The following C2orf92 variants were observed in gnomAD, a reference collection of about 807,000 sequenced individuals.
C2orf92 encodes uncharacterized protein C2orf92.
At chr2:97,688,078 C>A (rs1282253670) in intron 3 of C2orf92, among the ~76,000 whole-genome samples, 1 of 152,120 alleles carries the variant, frequency 6.6e-6, no homozygotes, top group African/African-American at 2.4e-5. Context: ...CCAGCTCACA[C>A]CAGGTGGGCC....
intron 7 of C2orf92, 44 bp downstream of exon 7, chr2:97,701,348 G>A (rs1309564819): frequency 7.5e-6 from 3 of 398,114 alleles, no homozygotes; most frequent in African/African-American, 4.1e-5. Context: ...ACCCGCGGGT[G>A]TTAGAACTCA....
intron 3 of C2orf92, among the ~76,000 whole-genome samples, chr2:97,682,286 G>C (rs1675801789): frequency 6.6e-6 from 1 of 152,180 alleles, no homozygotes. Context: ...AATCTGAATA[G>C]ACACATAACA....
At position 97,686,482 on chromosome 2, in the gene C2orf92, C is replaced by T. The variant is rs538037011; in HGVS notation, c.233-2413C>T. On this transcript the variant is annotated intron_variant, in intron 3 of 7. Transcript: ENST00000627399. ...TCACCCAGGCTGGAGTGCAATGGCG[C>T]GATATCAGCTCACTGCAACCCCTGC... 1.0e-3 allele frequency among the ~76,000 whole-genome samples: 158 copies of T among 151,978 alleles called. 1 individual carries two copies. Among genetic ancestry groups the T allele is most frequent in the African/African-American group, 3.6e-3 (150 of 41,444 alleles).
At chr2:97,699,364 G>A (rs1676416988) in intron 6 of C2orf92, among the ~76,000 whole-genome samples, 1 of 152,198 alleles carries the variant, frequency 6.6e-6, no homozygotes, top group Non-Finnish European at 1.5e-5. Context: ...AGGAGGTCAA[G>A]GTGGGCGGAT....
chr2:97,679,837 C>CAAAAAAAAA (rs55696146), intron 3 of C2orf92, among the ~76,000 whole-genome samples: 10 of 94,586 alleles, frequency 1.1e-4, no homozygotes, highest in African/African-American at 1.5e-4. Context: ...AACTCTATCT[C>CAAAAAAAAA]AAAAAAAAAA....
chr2:97,663,998 C>T (rs1675112327), upstream of C2orf92: 1 of 620,692 alleles, frequency 1.6e-6, no homozygotes, highest in Non-Finnish European at 2.3e-6. Flanking sequence ...GCGCCGCTGC[C>T]CTCCCTCCCC....
At chr2:97,677,189 T>C (rs1163935414) in intron 3 of C2orf92, among the ~76,000 whole-genome samples, 1 of 152,184 alleles carries the variant, frequency 6.6e-6, no homozygotes. Context: ...TGAGGATTGC[T>C]GGTGCCAGGG....
intron 3 of C2orf92, among the ~76,000 whole-genome samples, chr2:97,684,959 T>C (rs1288352747): frequency 6.6e-6 from 1 of 151,770 alleles, no homozygotes; most frequent in Non-Finnish European, 1.5e-5. Flanking sequence ...AGACAGAGTC[T>C]TGTTCTGTCA....
At chr2:97,674,344 G>A in intron 1 of C2orf92, 112 bp from the exon 2 acceptor site, 2 of 396,682 alleles carry the variant, frequency 5.0e-6, no homozygotes, top group East Asian at 3.6e-5. Flanking sequence ...TTTACAGCAT[G>A]ATGTCCAATA....
In C2orf92 at chr2:97,674,526, C is replaced by A; in HGVS notation, c.117C>A (p.Val39=). ...CATTTGATGAAACAAGAACAGCAGTCAGATCCATTACAAAGAGAGACACAC... is the reference window on the plus strand; with the variant it reads ...CATTTGATGAAACAAGAACAGCAGTAAGATCCATTACAAAGAGAGACACAC... ...DPSFDETRTA[V]RSITKRDTQK... is the part of the protein sequence containing the mutation. Residue 39 remains valine (V), a synonymous_variant, in exon 2 of 8, where the codon GTC becomes GTA. Coordinates refer to ENST00000627399, the MANE Select transcript of C2orf92 (RefSeq NM_001351368.2). 2.5e-6 allele frequency: 1 copy of A among 398,620 alleles called. No homozygotes were observed. Among genetic ancestry groups the A allele is most frequent in the South Asian group, 1.3e-4 (1 of 7,848 alleles). 24.7% of individuals were successfully genotyped at this position (398,620 alleles called of 1,614,324 possible).
intron 3 of C2orf92, among the ~76,000 whole-genome samples, chr2:97,684,942 A>T (rs13009163): frequency 0.68 from 102,284 of 151,106 alleles, 35,575 homozygotes; most frequent in African/African-American, 0.72. Flanking sequence ...TTTTATTTTT[A>T]TTTTTGAGAC....
At chr2:97,673,657 G>A (rs1216415529) in intron 1 of C2orf92, among the ~76,000 whole-genome samples, 2 of 152,128 alleles carry the variant, frequency 1.3e-5, no homozygotes, top group Non-Finnish European at 2.9e-5. Context: ...CCTGGCCCTT[G>A]CTTTGTAGCT....
intron 2 of C2orf92, among the ~76,000 whole-genome samples, chr2:97,675,416 T>C (rs1392752611): frequency 6.6e-6 from 1 of 152,248 alleles, no homozygotes; most frequent in African/African-American, 2.4e-5. Flanking sequence ...AACACATTTT[T>C]AGCAAAGTGC....
intron 5 of C2orf92, chr2:97,694,403 C>A (rs887650125): frequency 6.6e-6 from 1 of 150,926 alleles, no homozygotes; most frequent in East Asian, 1.9e-4. Context: ...CACCCGCCAC[C>A]ACGCCCGGCT....
chr2:97,681,713 C>T (rs1675780503), intron 3 of C2orf92, among the ~76,000 whole-genome samples: 1 of 152,132 alleles, frequency 6.6e-6, no homozygotes, highest in Admixed American at 6.5e-5. Context: ...AAAAAATTAG[C>T]TGGGCGTGGT....
At chr2:97,670,537 A>G (rs570759369) in intron 1 of C2orf92, 1 of 152,134 alleles carries the variant, frequency 6.6e-6, no homozygotes, top group African/African-American at 2.4e-5. Flanking sequence ...AATATATAAT[A>G]AAATTCACCC....
intron 5 of C2orf92, chr2:97,691,190 C>T (rs1676124715): frequency 6.6e-6 from 1 of 152,284 alleles, no homozygotes; most frequent in Admixed American, 6.5e-5. Context: ...AAATCCCACC[C>T]TGTGCGAGTC....
chr2:97,672,480 C>T (rs913645059), intron 1 of C2orf92: 1 of 152,152 alleles, frequency 6.6e-6, no homozygotes, highest in Non-Finnish European at 1.5e-5. Flanking sequence ...TAGCTGTGCC[C>T]TCAGCACCTG....
At chr2:97,673,238 C>G (rs986957909) in intron 1 of C2orf92, among the ~76,000 whole-genome samples, 3 of 152,114 alleles carry the variant, frequency 2.0e-5, no homozygotes, top group Non-Finnish European at 4.4e-5. Flanking sequence ...CAGTCACATC[C>G]CAGGAAGTGC....
Sources: gnomAD v4.1 joint callset for allele counts (sites outside exome capture counted in the v4.1 genomes callset) on GRCh38, gnomAD v4.1.1 for gene constraint, MANE v1.5 for transcripts, NCBI Gene and HGNC (gene_info 2026-07-23, HGNC 2026-07-21) for gene names.